The following ZFAT variants were observed in gnomAD, a reference collection of about 807,000 sequenced individuals.
The protein encoded by ZFAT is zinc finger and AT-hook domain containing.
Under a neutral mutation model 117.7 loss-of-function variants are expected in ZFAT, and 64 were observed. The ratio of observed to expected loss-of-function variants is 0.54; its 90% CI spans 0.44 to 0.67. ZFAT has a LOEUF of 0.67. ZFAT is among the 30% of genes least tolerant of loss of function. The probability of loss-of-function intolerance (pLI) is 0.00; values close to 1 mark genes in which losing one functional copy is unlikely to be tolerated. For missense variants in ZFAT, 1,433 were observed against 1,584.5 expected, an observed-to-expected ratio of 0.90 and a Z score of 1.62; for synonymous variants, 679 against 615.0, an observed-to-expected ratio of 1.10 and a Z score of -1.54.
chr8:134,673,774 T>C (rs1444524095), intron 1 of ZFAT, among the ~76,000 whole-genome samples: 1 of 152,218 alleles, frequency 6.6e-6, no homozygotes, highest in Non-Finnish European at 1.5e-5. Flanking sequence ...AGTATTCCCA[T>C]GTATTTTAGA....
At chr8:134,712,761 G>T (rs999994413) in intron 1 of ZFAT, 84 bp downstream of exon 1, 2 of 1,381,218 alleles carry the variant, frequency 1.4e-6, no homozygotes, top group South Asian at 1.3e-5. Flanking sequence ...ACTGCTTCCC[G>T]ACTCGACGCT....
chr8:134,736,167 G>A, the ZFAT span, among the ~76,000 whole-genome samples: 5 of 150,852 alleles, frequency 3.3e-5, no homozygotes, highest in Non-Finnish European at 1.5e-5. Context: ...ATGGGCCCCA[G>A]TTACTAAAAT....
intron 1 of ZFAT, among the ~76,000 whole-genome samples, chr8:134,691,876 T>C (rs1205943706): frequency 1.3e-5 from 2 of 152,234 alleles, no homozygotes; most frequent in South Asian, 2.1e-4. Context: ...ATTTCCTTTA[T>C]CATGAAGACC....
intron 1 of ZFAT, among the ~76,000 whole-genome samples, chr8:134,658,112 C>T (rs1049561878): frequency 9.2e-5 from 14 of 152,182 alleles, no homozygotes; most frequent in African/African-American, 3.1e-4. Context: ...CCGAGGCGGG[C>T]GGAGCACAAG....
At chr8:134,788,320 T>G in the ZFAT span, among the ~76,000 whole-genome samples, 1 of 152,188 alleles carries the variant, frequency 6.6e-6, no homozygotes, top group Admixed American at 6.5e-5. Flanking sequence ...TTTTGGTATG[T>G]CATATTATTC....
chr8:134,580,137 G>T (rs946807006), intron 10 of ZFAT, among the ~76,000 whole-genome samples: 2 of 152,092 alleles, frequency 1.3e-5, no homozygotes, highest in African/African-American at 4.8e-5. Context: ...CACTCAACAA[G>T]AGGGTATACC....
chr8:134,630,629 A>C (rs985133975), intron 3 of ZFAT, among the ~76,000 whole-genome samples: 1 of 152,242 alleles, frequency 6.6e-6, no homozygotes, highest in Non-Finnish European at 1.5e-5. Flanking sequence ...AAAGTTCAGA[A>C]GTCACTTTTA....
chr8:134,583,712 C>A (rs1825871363), intron 10 of ZFAT, 120 bp downstream of exon 10: 13 of 1,242,832 alleles, frequency 1.0e-5, no homozygotes, highest in African/African-American at 1.5e-5. Flanking sequence ...CTTCCAGAAG[C>A]TCCTTCTAAC....
At chr8:134,605,390 C>CA (rs1429241643) in intron 5 of ZFAT, among the ~76,000 whole-genome samples, 3 of 151,874 alleles carry the variant, frequency 2.0e-5, no homozygotes, top group Non-Finnish European at 4.4e-5. Flanking sequence ...ACTAAAAATA[C>CA]AAAAAATTAG....
chr8:134,602,124 T>C lies in ZFAT; in HGVS notation c.1595A>G (p.Lys532Arg). The change falls in exon 6 of 16, where the codon AAG (lysine) becomes AGG (arginine). Residue 532 changes from lysine (K) to arginine (R), a missense_variant. By Grantham distance (26) the Lys-to-Arg change is conservative. This residue lies in a region of ZFAT where 372 missense variants were observed against 355.6 expected (regional missense o/e 1.05). Coordinates refer to ENST00000377838, the MANE Select transcript of ZFAT (RefSeq NM_020863.4). Reference protein sequence around the residue: ...EFALQGVNALKEEACPGDTQL... With the variant: ...EFALQGVNALREEACPGDTQL... ...AGTGTCCCCAGGACAGGCCTCTTCCTTGAGTGCATTCACGCCCTGGAGGGC... is the reference window on the plus strand; with the variant it reads ...AGTGTCCCCAGGACAGGCCTCTTCCCTGAGTGCATTCACGCCCTGGAGGGC... The C allele has an allele frequency of 6.2e-7, 1 of 1,612,956 alleles. No homozygotes were observed. The highest frequency in any genetic ancestry group is 8.5e-7 in the Non-Finnish European group (1 of 1,179,748).
At chr8:134,490,559 T>G (rs1237626509) in intron 15 of ZFAT, among the ~76,000 whole-genome samples, 1 of 152,208 alleles carries the variant, frequency 6.6e-6, no homozygotes, top group Admixed American at 6.5e-5. Context: ...TGAGGGGCCA[T>G]CAGATGTACT....
chr8:134,791,689 T>G, the ZFAT span, among the ~76,000 whole-genome samples: 1 of 152,226 alleles, frequency 6.6e-6, no homozygotes, highest in African/African-American at 2.4e-5. Context: ...ACTACTTAAA[T>G]TGCCATAAAA....
At chr8:134,799,278 G>C in the ZFAT span, among the ~76,000 whole-genome samples, 2 of 152,084 alleles carry the variant, frequency 1.3e-5, no homozygotes, top group African/African-American at 2.4e-5. Context: ...TCTGGATTTA[G>C]GCACAGGCAA....
At chr8:134,649,402 G>A (rs1379553483) in intron 2 of ZFAT, among the ~76,000 whole-genome samples, 2 of 152,140 alleles carry the variant, frequency 1.3e-5, no homozygotes, top group Non-Finnish European at 2.9e-5. Context: ...AAGATTATAT[G>A]TAAAGACTCC....
At chr8:134,816,904 C>A in the ZFAT span, among the ~76,000 whole-genome samples, 20 of 151,514 alleles carry the variant, frequency 1.3e-4, no homozygotes, top group Non-Finnish European at 5.9e-5. Flanking sequence ...TGGCTTGAAC[C>A]CGGGAGGCGG....
At chr8:134,535,499 C>T (rs1055324126) in intron 11 of ZFAT, among the ~76,000 whole-genome samples, 1 of 127,364 alleles carries the variant, frequency 7.9e-6, no homozygotes, top group Non-Finnish European at 1.7e-5. Flanking sequence ...CCCCCTCCCC[C>T]TCCCTCTCCC....
chr8:134,728,951 T>C, the ZFAT span, among the ~76,000 whole-genome samples: 1 of 152,158 alleles, frequency 6.6e-6, no homozygotes, highest in African/African-American at 2.4e-5. Context: ...TGAAAGAAAA[T>C]ATATGACTTT....
At chr8:134,646,933 G>A (rs1330308783) in intron 2 of ZFAT, among the ~76,000 whole-genome samples, 2 of 152,108 alleles carry the variant, frequency 1.3e-5, no homozygotes, top group Non-Finnish European at 2.9e-5. Context: ...AAAAGCCCAG[G>A]ACCAGGTGGT....
At chr8:134,667,026 T>A (rs1832259217) in intron 1 of ZFAT, among the ~76,000 whole-genome samples, 1 of 151,922 alleles carries the variant, frequency 6.6e-6, no homozygotes, top group Non-Finnish European at 1.5e-5. Context: ...CTCAGCAAAC[T>A]AACACAGGAA....
Sources: allele counts gnomAD v4.1 joint callset (sites outside exome capture counted in the v4.1 genomes callset), GRCh38; gene constraint gnomAD v4.1.1; regional missense constraint gnomAD v4.1.1; transcripts MANE v1.5; gene names NCBI Gene and HGNC (gene_info 2026-07-23, HGNC 2026-07-21).